The following IFNGR2 variants were observed in gnomAD, a reference collection of about 807,000 sequenced individuals.
IFNGR2 encodes interferon gamma receptor 2.
A neutral mutation model predicts 41.1 loss-of-function variants in IFNGR2; 15 were observed. The ratio of observed to expected loss-of-function variants is 0.37; its 90% CI spans 0.24 to 0.56. The LOEUF is 0.56. IFNGR2 is among the 20% of genes least tolerant of loss of function. IFNGR2 has a pLI of 0.81. For synonymous variants in IFNGR2, 161 were observed against 171.6 expected, an observed-to-expected ratio of 0.94 and a Z score of 0.48; for missense variants, 362 against 415.7, an observed-to-expected ratio of 0.87 and a Z score of 1.12.
intron 1 of IFNGR2, among the ~76,000 whole-genome samples, chr21:33,412,789 C>T (rs1444282832): frequency 6.6e-6 from 1 of 152,218 alleles, no homozygotes; most frequent in Non-Finnish European, 1.5e-5. Flanking sequence ...CTCCTGACCT[C>T]AGGTGATCCA....
At chr21:33,403,307 C>T (rs961328642), upstream of IFNGR2, 832 of 121,690 alleles carry the variant, frequency 6.8e-3, 10 homozygotes, top group African/African-American at 0.027. Context: ...CCGCGGTTCC[C>T]GGAGCGGGAA....
intron 1 of IFNGR2, among the ~76,000 whole-genome samples, chr21:33,408,472 A>C (rs1426906940): frequency 6.6e-6 from 1 of 152,184 alleles, no homozygotes; most frequent in Non-Finnish European, 1.5e-5. Context: ...CTGGGATTAC[A>C]GGCATGAGCC....
In IFNGR2 at chr21:33,436,894, G is replaced by A. The variant is rs766433285; in HGVS notation, c.946G>A (p.Val316Ile). ...CAAGGACAGCTCACCAAAGGATGAC[G>A]TCTGGGACTCTGTGTCCATTATCTC... ...LDKDSSPKDD[V>I]WDSVSIISFP... The change falls in exon 7 of 7, where the codon GTC (valine) becomes ATC (isoleucine). Residue 316 changes from valine (V) to isoleucine (I), a missense_variant. Coordinates refer to ENST00000290219, the MANE Select transcript of IFNGR2 (RefSeq NM_005534.4). The A allele has an allele frequency of 2.6e-5, 42 of 1,613,756 alleles. No individual in the cohort carries two copies. The highest frequency in any genetic ancestry group is 1.6e-4 in the Middle Eastern group (1 of 6,082).
At position 33,432,423 on chromosome 21, in the gene IFNGR2, G is replaced by A; in HGVS notation, c.721+87G>A. ...ATCGGGGAATGCTTATGAGGTCATG[G>A]GTGGTGGGAGTGGGGAGACCCAGTG... On this transcript the variant is annotated intron_variant, in intron 5 of 6. Transcript: ENST00000290219. The A allele has an allele frequency of 3.0e-6, 4 of 1,315,728 alleles. No individual in the cohort carries two copies. The South Asian group carries it at 4.7e-5, about 15-fold the overall frequency. 81.5% of individuals were successfully genotyped at this position (1,315,728 alleles called of 1,614,324 possible).
intron 4 of IFNGR2, among the ~76,000 whole-genome samples, chr21:33,431,879 T>A (rs1371277163): frequency 6.6e-6 from 1 of 152,214 alleles, no homozygotes; most frequent in Non-Finnish European, 1.5e-5. Flanking sequence ...GCCCAAAATG[T>A]TAAAGGAGAA....
chr21:33,436,945 G>A lies in IFNGR2; in HGVS notation c.997G>A (p.Val333Ile), dbSNP rs1350091068. ...GTTTCCGGAAAAGGAGCAAGAAGAT[G>A]TTCTCCAAACGCTTTGAACCAAAGC... ...ISFPEKEQED[V>I]LQTL The change falls in exon 7 of 7, where the codon GTT (valine) becomes ATT (isoleucine). Residue 333 changes from valine to isoleucine, a missense_variant. Physicochemically the swap from Val to Ile is conservative, Grantham distance 29 (BLOSUM62 3). Transcript: ENST00000290219. The A allele has an allele frequency of 1.2e-6, 2 of 1,613,878 alleles. No individual in the cohort carries two copies. Among genetic ancestry groups the A allele is most frequent in the Non-Finnish European group, 1.7e-6 (2 of 1,179,950 alleles).
rs2083959206 is a variant in IFNGR2 at position 33,436,865 on chromosome 21, TGGACAA to T, written c.923_928del (p.Lys308_Asp309del). The T allele has an allele frequency of 3.7e-6, 6 of 1,614,040 alleles. No individual in the cohort carries two copies. The highest frequency in any genetic ancestry group is 4.2e-6 in the Non-Finnish European group (5 of 1,179,968). On this transcript the variant is annotated inframe_deletion, in exon 7 of 7. Transcript: ENST00000290219. ...CCAACTCAGCCCATCTTAGAGGCCT[TGGACAA>T]GGACAGCTCACCAAAGGATGACGTC...
intron 1 of IFNGR2, among the ~76,000 whole-genome samples, chr21:33,410,254 C>A (rs1430066815): frequency 6.6e-6 from 1 of 151,170 alleles, no homozygotes; most frequent in Admixed American, 6.6e-5. Context: ...GCAGCCTCCA[C>A]CTCCCAGGTT....
At chr21:33,430,857 G>A (rs1221920627) in intron 4 of IFNGR2, among the ~76,000 whole-genome samples, 3 of 152,222 alleles carry the variant, frequency 2.0e-5, no homozygotes, top group Non-Finnish European at 4.4e-5. Flanking sequence ...TCAAGCATAT[G>A]TTATACCACC....
chr21:33,428,447 C>T (rs773693333), intron 4 of IFNGR2, among the ~76,000 whole-genome samples: 79 of 152,010 alleles, frequency 5.2e-4, no homozygotes, highest in Non-Finnish European at 1.0e-3. Context: ...AGGCTGGTCT[C>T]GAACTCCTGG....
chr21:33,402,955 G>C (rs1364270456), upstream of IFNGR2: 1 of 145,756 alleles, frequency 6.9e-6, no homozygotes, highest in Admixed American at 6.9e-5. Flanking sequence ...CCAGCCTGGT[G>C]ACTCCGTCTC....
intron 1 of IFNGR2, among the ~76,000 whole-genome samples, chr21:33,405,126 AAAAGAG>A (rs796873619): frequency 4.6e-5 from 7 of 152,028 alleles, no homozygotes; most frequent in African/African-American, 1.7e-4. Flanking sequence ...AAAAAAAAGA[AAAAGAG>A]GAAAAGACCT....
chr21:33,411,145 A>G (rs1304905399), intron 1 of IFNGR2, among the ~76,000 whole-genome samples: 1 of 152,248 alleles, frequency 6.6e-6, no homozygotes, highest in Non-Finnish European at 1.5e-5. Context: ...GTGAAAAGAT[A>G]GGGGATGATA....
At chr21:33,432,139 G>A (rs751894717) in intron 4 of IFNGR2, 38 bp from the exon 5 acceptor site, 2 of 1,597,642 alleles carry the variant, frequency 1.3e-6, no homozygotes, top group Admixed American at 1.7e-5. Flanking sequence ...GCTTGGCCAT[G>A]TTCATTTACA....
rs745384344 is a variant in IFNGR2 at position 33,410,682 on chromosome 21, G to T, written c.74-4206G>T. Among the ~76,000 whole-genome samples, 44 of 151,878 alleles carry T rather than the reference G, an allele frequency of 2.9e-4. 1 individual carries two copies. The highest frequency in any genetic ancestry group is 7.4e-5 in the Non-Finnish European group (5 of 68,002). Reference sequence around the variant, plus strand: ...GGGGTTTCACCATGTTGGCCAGGCTGGTTTCAAACTCCCAAACTCAGGTGA... The same window carrying T: ...GGGGTTTCACCATGTTGGCCAGGCTTGTTTCAAACTCCCAAACTCAGGTGA... On this transcript the variant is annotated intron_variant, in intron 1 of 6. Coordinates refer to ENST00000290219, the MANE Select transcript of IFNGR2 (RefSeq NM_005534.4).
chr21:33,428,800 C>A (rs897608839), intron 4 of IFNGR2, among the ~76,000 whole-genome samples: 1 of 152,198 alleles, frequency 6.6e-6, no homozygotes, highest in Non-Finnish European at 1.5e-5. Context: ...TTTCTTCACT[C>A]GAGGGCACCG....
At chr21:33,436,475 C>A (rs1244919732) in intron 6 of IFNGR2, among the ~76,000 whole-genome samples, 1 of 152,186 alleles carries the variant, frequency 6.6e-6, no homozygotes. Flanking sequence ...ATAATCCCAG[C>A]ACTTTGGGAG....
chr21:33,410,289 C>T (rs1327029477), intron 1 of IFNGR2, among the ~76,000 whole-genome samples: 3 of 151,382 alleles, frequency 2.0e-5, no homozygotes, highest in East Asian at 3.9e-4. Flanking sequence ...GGCTCAGCCT[C>T]CCAAGTAGCT....
chr21:33,426,705 G>A (rs2083838860), intron 3 of IFNGR2, among the ~76,000 whole-genome samples, 179 bp from the exon 4 acceptor site: 2 of 151,496 alleles, frequency 1.3e-5, no homozygotes, highest in South Asian at 4.2e-4. Flanking sequence ...GGGCGACAGA[G>A]CAAAACTGTC....
Sources: gnomAD v4.1 joint callset for allele counts (sites outside exome capture counted in the v4.1 genomes callset) on GRCh38, gnomAD v4.1.1 for gene constraint, MANE v1.5 for transcripts, NCBI Gene and HGNC (gene_info 2026-07-23, HGNC 2026-07-21) for gene names.